APP: variants seen among roughly 807,000 people sequenced by gnomAD.
The protein encoded by APP is amyloid-beta precursor protein.
APP carries 31 observed loss-of-function variants against 101.4 expected under a neutral mutation model. The ratio of observed to expected loss-of-function variants is 0.31; its 90% CI spans 0.23 to 0.41. The LOEUF (loss-of-function observed/expected upper bound fraction) is 0.41, where lower values mean the gene tolerates loss of function less well. Among genes scored for constraint, APP ranks in the 10% least tolerant of loss-of-function variants. APP has a pLI of 1.00. For missense variants in APP, 839 were observed against 1,003.7 expected (o/e 0.84, Z 2.22); for synonymous variants, 366 against 364.4 (o/e 1.00, Z -0.05).
intron 8 of APP, among the ~76,000 whole-genome samples, chr21:25,993,751 T>C (rs774933686): frequency 2.1e-4 from 32 of 152,196 alleles, no homozygotes; most frequent in Non-Finnish European, 4.0e-4. Flanking sequence ...TAGAACAGGA[T>C]TCTCAACCAG....
intron 13 of APP, among the ~76,000 whole-genome samples, chr21:25,932,363 C>T (rs2146398662): frequency 6.6e-6 from 1 of 151,820 alleles, no homozygotes; most frequent in South Asian, 2.1e-4. Context: ...TCATCTTATT[C>T]ACCTAGAGAA....
chr21:26,026,697 A>T (rs56241542), intron 5 of APP, among the ~76,000 whole-genome samples: 3,857 of 152,362 alleles, frequency 0.025, 176 homozygotes, highest in African/African-American at 0.088. Context: ...GTTAAAGGCA[A>T]GAGAGGGTCG....
At chr21:25,961,968 A>G (rs928699213) in intron 11 of APP, among the ~76,000 whole-genome samples, 18 of 152,080 alleles carry the variant, frequency 1.2e-4, no homozygotes, top group African/African-American at 4.3e-4. Flanking sequence ...ATCTTCTGTT[A>G]CTAGCAATAA....
At chr21:26,032,604 G>C (rs2044879089) in intron 5 of APP, among the ~76,000 whole-genome samples, 1 of 152,132 alleles carries the variant, frequency 6.6e-6, no homozygotes, top group Non-Finnish European at 1.5e-5. Context: ...AACAGCCAAT[G>C]ATGTAAATAA....
intron 17 of APP, among the ~76,000 whole-genome samples, chr21:25,882,624 C>A (rs1466130489): frequency 6.6e-6 from 1 of 151,936 alleles, no homozygotes; most frequent in South Asian, 2.1e-4. Context: ...TGGGCAGTGG[C>A]TGTTCTTGTT....
At chr21:25,948,004 CA>C (rs34371241) in intron 13 of APP, among the ~76,000 whole-genome samples, 3,179 of 70,948 alleles carry the variant, frequency 0.045, 51 homozygotes, top group African/African-American at 0.1. Flanking sequence ...GACTCCATCT[CA>C]AAAAAAAAAA....
chr21:25,999,331 T>C (rs907385468), intron 7 of APP, among the ~76,000 whole-genome samples: 3 of 152,070 alleles, frequency 2.0e-5, no homozygotes, highest in African/African-American at 7.2e-5. Flanking sequence ...CCTCGAGCCT[T>C]ATGTCATTGA....
At chr21:25,888,410 C>T (rs1159426555) in intron 17 of APP, among the ~76,000 whole-genome samples, 1 of 152,204 alleles carries the variant, frequency 6.6e-6, no homozygotes, top group African/African-American at 2.4e-5. Flanking sequence ...AGCTAAACTA[C>T]ATCTTTTTTG....
At chr21:26,065,980 CACAGCCTAGAT>C (rs2046438595) in intron 3 of APP, among the ~76,000 whole-genome samples, 1 of 152,184 alleles carries the variant, frequency 6.6e-6, no homozygotes, top group African/African-American at 2.4e-5. Context: ...TCCCTAGCTC[CACAGCCTAGAT>C]CTGATTTACG....
At position 25,986,794 on chromosome 21, in the gene APP, T is replaced by C. The variant is rs116387589; in HGVS notation, c.1091-4317A>G. ...ATAAATAAAGGCTAGGATTTCCATG[T>C]TGGCCAAATGATAACAGCCTCTTTT... On this transcript the variant is annotated intron_variant, in intron 8 of 17. Coordinates refer to ENST00000346798, the MANE Select transcript of APP (RefSeq NM_000484.4). Among the ~76,000 whole-genome samples the C allele has an allele frequency of 7.2e-3, 1,099 of 152,368 alleles. 15 individuals are homozygous for C. The highest frequency in any genetic ancestry group is 0.026 in the African/African-American group (1,061 of 41,590).
At chr21:25,907,954 C>T (rs900300190) in intron 14 of APP, among the ~76,000 whole-genome samples, 2 of 152,214 alleles carry the variant, frequency 1.3e-5, no homozygotes, top group African/African-American at 4.8e-5. Flanking sequence ...CCATACAAGT[C>T]TTATAAGACC....
Position 26,051,059 on chromosome 21 carries a change from C to T in APP, c.603G>A (p.Ala201=), listed in dbSNP as rs368927918. Residue 201 remains alanine, a synonymous_variant, in exon 5 of 18, where the codon GCG becomes GCA. Transcript: ENST00000346798. ...EESDNVDSAD[A]EEDDSDVWWG... ...ACCAGACATCCGAGTCATCCTCCTC[C>T]GCATCAGCAGAATCCACATTGTCAC... 14 of 1,614,068 alleles carry T rather than the reference C, an allele frequency of 8.7e-6. No homozygotes were observed. Among genetic ancestry groups the T allele is most frequent in the Middle Eastern group, 1.6e-4 (1 of 6,084 alleles).
intron 2 of APP, among the ~76,000 whole-genome samples, chr21:26,091,301 A>AG (rs1386613730): frequency 3.3e-5 from 5 of 152,224 alleles, no homozygotes; most frequent in African/African-American, 1.2e-4. Context: ...ATCACACTCC[A>AG]GGGGCTAAAG....
At chr21:26,011,856 G>T in intron 6 of APP, among the ~76,000 whole-genome samples, 1 of 152,120 alleles carries the variant, frequency 6.6e-6, no homozygotes, top group South Asian at 2.1e-4. Context: ...TCCATATTCT[G>T]TGATACTTGC....
intron 16 of APP, 129 bp downstream of exon 16, chr21:25,897,444 G>A: frequency 2.5e-6 from 2 of 806,306 alleles, no homozygotes; most frequent in Non-Finnish European, 2.1e-6. Context: ...TGTTTTCATG[G>A]TAATCCTATA....
chr21:25,927,062 C>T (rs1237852772), intron 13 of APP, among the ~76,000 whole-genome samples: 1 of 151,168 alleles, frequency 6.6e-6, no homozygotes, highest in African/African-American at 2.4e-5. Flanking sequence ...CACAAGCACC[C>T]TCTTTTTCAT....
At chr21:26,120,109 A>T (rs376349118) in intron 1 of APP, among the ~76,000 whole-genome samples, 5 of 152,356 alleles carry the variant, frequency 3.3e-5, no homozygotes, top group African/African-American at 1.2e-4. Flanking sequence ...GGGCTATAAT[A>T]AATGGTTATT....
chr21:26,166,778 T>C (rs1029114779), intron 1 of APP, among the ~76,000 whole-genome samples: 4 of 152,170 alleles, frequency 2.6e-5, no homozygotes, highest in Non-Finnish European at 5.9e-5. Context: ...TCTCTGGTCC[T>C]GCATTCAGCC....
intron 15 of APP, among the ~76,000 whole-genome samples, chr21:25,901,398 CA>C (rs34245275): frequency 0.039 from 5,780 of 147,634 alleles, 255 homozygotes; most frequent in African/African-American, 0.1. Flanking sequence ...TTTGGTGGTC[CA>C]AAAAAAAAAA....
Sources: gnomAD v4.1 joint callset for allele counts (sites outside exome capture counted in the v4.1 genomes callset) on GRCh38, gnomAD v4.1.1 for gene constraint, MANE v1.5 for transcripts, NCBI Gene and HGNC (gene_info 2026-07-23, HGNC 2026-07-21) for gene names.